The following CDC14B variants were observed in gnomAD, a reference collection of about 807,000 sequenced individuals.
CDC14B encodes cell division cycle 14B, also known as dual specificity protein phosphatase CDC14B.
Under a neutral mutation model 64.2 loss-of-function variants are expected in CDC14B, and 22 were observed. The ratio of observed to expected loss-of-function variants is 0.34; its 90% CI spans 0.24 to 0.49. The LOEUF is 0.49. CDC14B is among the 20% of genes least tolerant of loss of function. The pLI is 0.99. For synonymous variants in CDC14B, 191 were observed against 215.8 expected (o/e 0.89, Z 1.01); for missense variants, 498 against 629.9 (o/e 0.79, Z 2.24).
chr9:96,511,109 A>G (rs917324741), intron 12 of CDC14B, among the ~76,000 whole-genome samples: 1 of 152,216 alleles, frequency 6.6e-6, no homozygotes, highest in Non-Finnish European at 1.5e-5. Flanking sequence ...TTGAACCATT[A>G]CAATTAGTGA....
At chr9:96,533,093 A>C (rs1016030873) in intron 9 of CDC14B, among the ~76,000 whole-genome samples, 3 of 152,096 alleles carry the variant, frequency 2.0e-5, no homozygotes, top group Admixed American at 1.3e-4. Flanking sequence ...CAGCCTCCAA[A>C]GTAGCTGGGA....
chr9:96,589,229 C>G (rs1229730559), intron 1 of CDC14B, among the ~76,000 whole-genome samples: 1 of 151,966 alleles, frequency 6.6e-6, no homozygotes, highest in Non-Finnish European at 1.5e-5. Context: ...ATCCCAGCTA[C>G]TTGGAAGGCT....
chr9:96,523,433 A>C lies in CDC14B; in HGVS notation c.1086-13T>G. ...GTTGGTTTGCTTCCTAGAGCATTTA[A>C]ATAACATCAAAATAGAGCTTTCCAG... On this transcript the variant is annotated splice_polypyrimidine_tract_variant and intron_variant, in intron 10 of 13. Coordinates refer to ENST00000375241, the MANE Select transcript of CDC14B (RefSeq NM_033331.4). 6.2e-7 allele frequency: 1 copy of C among 1,612,628 alleles called. No individual in the cohort carries two copies. The highest frequency in any genetic ancestry group is 1.1e-5 in the South Asian group (1 of 90,946).
At position 96,541,942 on chromosome 9, in the gene CDC14B, C is replaced by T. The variant is rs373939960; in HGVS notation, c.498-50G>A. Reference sequence around the variant, plus strand: ...TAGATCAGTTAATTTTCTGCAATTACACTTACCTAAGACAAAGGTGACTAG... The same window carrying T: ...TAGATCAGTTAATTTTCTGCAATTATACTTACCTAAGACAAAGGTGACTAG... On this transcript the variant is annotated intron_variant, in intron 5 of 13. Transcript: ENST00000375241. 105 of 1,279,848 alleles carry T rather than the reference C, an allele frequency of 8.2e-5. 1 individual carries two copies. The highest frequency in any genetic ancestry group is 1.2e-4 in the Non-Finnish European group (103 of 887,536). The allele number at this position is 1,279,848 out of a possible 1,614,324, so 79.3% of individuals were successfully genotyped here. A position where few individuals can be genotyped will look rare whatever the true frequency, so the allele number is the denominator to read the frequency against.
At chr9:96,508,373 A>ATTTAGTAC in intron 13 of CDC14B, among the ~76,000 whole-genome samples, 1 of 9,118 alleles carries the variant, frequency 1.1e-4, no homozygotes, top group South Asian at 7.9e-3. Flanking sequence ...GTACTAAACT[A>ATTTAGTAC]AATGTATGAC....
At chr9:96,526,169 C>T (rs965521645) in intron 9 of CDC14B, among the ~76,000 whole-genome samples, 1 of 152,040 alleles carries the variant, frequency 6.6e-6, no homozygotes, top group African/African-American at 2.4e-5. Flanking sequence ...AGATTGAGAC[C>T]ATCCTGGCTA....
intron 7 of CDC14B, among the ~76,000 whole-genome samples, chr9:96,537,665 GA>G (rs1839472276): frequency 6.6e-6 from 1 of 152,230 alleles, no homozygotes; most frequent in South Asian, 2.1e-4. Context: ...CTGAGCACCT[GA>G]AGGGGCATGC....
chr9:96,607,508 C>A (rs1190429850), intron 1 of CDC14B, among the ~76,000 whole-genome samples: 1 of 149,694 alleles, frequency 6.7e-6, no homozygotes, highest in African/African-American at 2.5e-5. Flanking sequence ...GCAAGCTCCG[C>A]TTCCAGGGTT....
chr9:96,605,861 C>CA (rs1345048995), intron 1 of CDC14B, among the ~76,000 whole-genome samples: 15 of 145,366 alleles, frequency 1.0e-4, no homozygotes, highest in Middle Eastern at 3.6e-3. Flanking sequence ...AATTTTGCCT[C>CA]AAAAAAAAAA....
In CDC14B at chr9:96,532,709, G is replaced by A. The variant is rs998430169; in HGVS notation, c.946+1218C>T. On this transcript the variant is annotated intron_variant, in intron 9 of 13. Coordinates refer to ENST00000375241, the MANE Select transcript of CDC14B (RefSeq NM_033331.4). ...TTCTTTAATGATTCTAGCTTCACAC[G>A]CACTGATTCTTCTGCCTGCTCAAAT... 5.9e-5 allele frequency among the ~76,000 whole-genome samples: 9 copies of A among 152,044 alleles called. 1 individual carries two copies. The highest frequency in any genetic ancestry group is 1.7e-4 in the African/African-American group (7 of 41,410).
intron 4 of CDC14B, among the ~76,000 whole-genome samples, chr9:96,557,664 T>C (rs1056892534): frequency 7.9e-5 from 12 of 152,366 alleles, no homozygotes; most frequent in African/African-American, 2.9e-4. Flanking sequence ...TAATATATTC[T>C]TAAATTTAAT....
In CDC14B at chr9:96,563,307, A is replaced by G. The variant is rs552729133; in HGVS notation, c.328-522T>C. 6.0e-4 allele frequency among the ~76,000 whole-genome samples: 92 copies of G among 152,290 alleles called. 1 individual carries two copies. The South Asian group carries it at 0.019, about 31-fold the overall frequency. ...ATCATCTATGTATATTCCATTAGTG[A>G]AAGTTTATTGAGCTCTACATCCATG... On this transcript the variant is annotated intron_variant, in intron 3 of 13. Transcript: ENST00000375241.
At position 96,501,601 on chromosome 9, in the gene CDC14B, G is replaced by C; in HGVS notation, c.*2152C>G. 6.6e-6 allele frequency: 1 copy of C among 152,576 alleles called. No homozygotes were observed. The highest frequency in any genetic ancestry group is 1.9e-4 in the East Asian group (1 of 5,198). The allele number at this position is 152,576 out of a possible 1,614,324, so 9.5% of individuals were successfully genotyped here. A position where few individuals can be genotyped will look rare whatever the true frequency, so the allele number is the denominator to read the frequency against. On this transcript the variant is annotated 3_prime_UTR_variant, in exon 14 of 14. Coordinates refer to ENST00000375241, the MANE Select transcript of CDC14B (RefSeq NM_033331.4). ...AAGTCATTTGGTTATTACAAGGAAT[G>C]CCTCTTCACCAAATCACAAGTTTTC... is the stretch of plus-strand genomic sequence containing the variant.
intron 1 of CDC14B, among the ~76,000 whole-genome samples, chr9:96,618,991 G>C (rs1010213186): frequency 6.6e-6 from 1 of 151,926 alleles, no homozygotes; most frequent in Admixed American, 6.6e-5. Flanking sequence ...GGGTGCACAA[G>C]CTAAAGTTAA....
At chr9:96,546,381 G>C (rs768416563) in intron 5 of CDC14B, among the ~76,000 whole-genome samples, 9 of 151,924 alleles carry the variant, frequency 5.9e-5, no homozygotes, top group Non-Finnish European at 1.3e-4. Context: ...GCAATGATTA[G>C]CTGGGGGTGA....
At chr9:96,512,326 CTTT>C (rs776677638) in intron 12 of CDC14B, among the ~76,000 whole-genome samples, 3 of 132,070 alleles carry the variant, frequency 2.3e-5, no homozygotes. Context: ...AATTTTTTTT[CTTT>C]TTTTTTTTTT....
chr9:96,530,296 G>GTT (rs59113647), intron 9 of CDC14B, among the ~76,000 whole-genome samples: 106 of 142,362 alleles, frequency 7.4e-4, no homozygotes, highest in African/African-American at 1.9e-3. Flanking sequence ...TTCTCTCTCT[G>GTT]TTTTTTTTTT....
chr9:96,525,831 C>T (rs896276978), intron 9 of CDC14B, among the ~76,000 whole-genome samples: 2 of 151,946 alleles, frequency 1.3e-5, no homozygotes, highest in African/African-American at 2.4e-5. Context: ...GAGTTGATGC[C>T]GGAATGAATT....
At chr9:96,581,475 A>T (rs1223316590) in intron 1 of CDC14B, among the ~76,000 whole-genome samples, 1 of 149,402 alleles carries the variant, frequency 6.7e-6, no homozygotes. Context: ...TAAAAAAATT[A>T]AATTAATTAA....
Sources: allele counts gnomAD v4.1 joint callset (sites outside exome capture counted in the v4.1 genomes callset), GRCh38; gene constraint gnomAD v4.1.1; transcripts MANE v1.5; gene names NCBI Gene and HGNC (gene_info 2026-07-23, HGNC 2026-07-21).